Variants in TRIO observed in about 807,000 individuals in gnomAD.
TRIO encodes trio Rho guanine nucleotide exchange factor, also known as triple functional domain protein.
Under a neutral mutation model 351.9 loss-of-function variants are expected in TRIO, and 58 were observed. That is an observed-to-expected ratio of 0.16 (90% CI 0.13 to 0.21). The LOEUF is 0.21. Among genes scored for constraint, TRIO ranks in the 10% least tolerant of loss-of-function variants. The pLI is 1.00. For missense variants in TRIO, 3,201 were observed against 4,027.8 expected (o/e 0.79, Z 5.56); for synonymous variants, 1,758 against 1,595.7 (o/e 1.10, Z -2.42).
chr5:14,189,199 C>T (rs1190466410), intron 1 of TRIO, among the ~76,000 whole-genome samples: 1 of 152,220 alleles, frequency 6.6e-6, no homozygotes, highest in Non-Finnish European at 1.5e-5. Context: ...TTATCCTACA[C>T]TAAGCCTAAG....
In TRIO at chr5:14,420,186, G is replaced by A. The variant is rs536738489; in HGVS notation, c.5203+165G>A. 1.2e-4 allele frequency: 131 copies of A among 1,054,848 alleles called. No individual in the cohort carries two copies. The African/African-American group carries it at 2.0e-3, about 16-fold the overall frequency. 65.3% of individuals were successfully genotyped at this position (1,054,848 alleles called of 1,614,324 possible). A position where few individuals can be genotyped will look rare whatever the true frequency, so the allele number is the denominator to read the frequency against. ...GGGCATTTCCAGTCCATCAGCACCT[G>A]AAGAGGAAATGAGGATTTCACCCAC... On this transcript the variant is annotated intron_variant, in intron 34 of 56. Transcript: ENST00000344204.
At position 14,464,910 on chromosome 5, in the gene TRIO, G is replaced by A. The variant is rs148776469; in HGVS notation, c.5668-635G>A. ...TTCCTGTCAACCCCTTTACGCCCTC[G>A]ATTCTAGCCATAAGTGGCATCTGAT... On this transcript the variant is annotated intron_variant, in intron 36 of 56. Transcript: ENST00000344204. 2.4e-3 allele frequency among the ~76,000 whole-genome samples: 359 copies of A among 151,978 alleles called. 1 individual carries two copies. The highest frequency in any genetic ancestry group is 8.3e-3 in the African/African-American group (342 of 41,414).
At chr5:14,340,690 C>T (rs1211950053) in intron 11 of TRIO, among the ~76,000 whole-genome samples, 2 of 152,166 alleles carry the variant, frequency 1.3e-5, no homozygotes, top group African/African-American at 4.8e-5. Context: ...TCAGGAATCT[C>T]TTTAAGAAAC....
At chr5:14,498,040 G>A in intron 51 of TRIO, 49 bp from the exon 52 acceptor site, 1 of 1,612,902 alleles carries the variant, frequency 6.2e-7, no homozygotes, top group Non-Finnish European at 8.5e-7. Flanking sequence ...GGTGGGTGTG[G>A]AGGAGGAGCC....
Position 14,363,712 on chromosome 5 carries a change from TCTTAAATAC to T in TRIO, c.2392-16_2392-8del. 6.2e-7 allele frequency: 1 copy of T among 1,606,632 alleles called. No individual in the cohort carries two copies. Among genetic ancestry groups the T allele is most frequent in the Non-Finnish European group, 8.5e-7 (1 of 1,174,690 alleles). ...TGCATGTATATTTTTTTTGTCTTGA[TCTTAAATAC>T]CTTCTTTCAGATTATCTCAGACCTC... is the stretch of plus-strand genomic sequence containing the variant. On this transcript the variant is annotated splice_polypyrimidine_tract_variant and intron_variant, in intron 13 of 56. Transcript: ENST00000344204.
intron 34 of TRIO, among the ~76,000 whole-genome samples, chr5:14,440,637 T>G (rs1257889324): frequency 6.6e-6 from 1 of 152,246 alleles, no homozygotes; most frequent in Admixed American, 6.5e-5. Flanking sequence ...ATGTTTTTAA[T>G]AAGTGAGGAG....
At chr5:14,490,734 A>G (rs1756421910) in intron 48 of TRIO, 1 of 452,730 alleles carries the variant, frequency 2.2e-6, no homozygotes, top group African/African-American at 2.0e-5. Context: ...TGCCCAGAAA[A>G]TACTAATAGT....
At chr5:14,292,865 A>G in intron 5 of TRIO, 147 bp from the exon 6 acceptor site, 1 of 1,136,364 alleles carries the variant, frequency 8.8e-7, no homozygotes, top group Middle Eastern at 2.1e-4. Context: ...TGTTCTTCGA[A>G]GTAAAGACTC....
intron 7 of TRIO, among the ~76,000 whole-genome samples, chr5:14,298,235 A>G (rs1279781116): frequency 1.3e-5 from 2 of 152,172 alleles, no homozygotes; most frequent in African/African-American, 2.4e-5. Flanking sequence ...AACACTCCCC[A>G]TACCTCCATT....
At chr5:14,228,946 TAAAC>T (rs1034121117) in intron 1 of TRIO, among the ~76,000 whole-genome samples, 2 of 152,172 alleles carry the variant, frequency 1.3e-5, no homozygotes, top group Non-Finnish European at 2.9e-5. Context: ...CAGGCTGTGA[TAAAC>T]AAAATTAGGC....
At position 14,462,941 on chromosome 5, in the gene TRIO, G is replaced by A; in HGVS notation, c.5667+16G>A. ...GGATGACAAGGTAAAGGGGGATGAG[G>A]GCTGGGGAATCCATGCCTGCCGTGC... On this transcript the variant is annotated intron_variant, in intron 36 of 56. Coordinates refer to ENST00000344204, the MANE Select transcript of TRIO (RefSeq NM_007118.4). The A allele has an allele frequency of 6.4e-7, 1 of 1,552,824 alleles. No homozygotes were observed. The highest frequency in any genetic ancestry group is 8.7e-7 in the Non-Finnish European group (1 of 1,152,016).
At chr5:14,389,776 TGAA>T (rs1172582854) in intron 25 of TRIO, among the ~76,000 whole-genome samples, 1 of 152,156 alleles carries the variant, frequency 6.6e-6, no homozygotes, top group East Asian at 1.9e-4. Context: ...AGAAAGGAAC[TGAA>T]GAAGCAACAG....
At chr5:14,255,293 G>A (rs940963821) in intron 1 of TRIO, among the ~76,000 whole-genome samples, 4 of 152,316 alleles carry the variant, frequency 2.6e-5, no homozygotes, top group South Asian at 2.1e-4. Flanking sequence ...ATATCTCTAG[G>A]CGTAGAGATC....
intron 19 of TRIO, among the ~76,000 whole-genome samples, chr5:14,376,829 T>C (rs1257094405): frequency 6.6e-6 from 1 of 152,180 alleles, no homozygotes; most frequent in Non-Finnish European, 1.5e-5. Context: ...TCATACTCAG[T>C]TTTTCTCCCT....
chr5:14,280,872 C>A (rs60615600), intron 3 of TRIO, among the ~76,000 whole-genome samples: 5,621 of 152,200 alleles, frequency 0.037, 355 homozygotes, highest in African/African-American at 0.13. Flanking sequence ...ATTAAAAATC[C>A]TTATTAGCTA....
intron 19 of TRIO, among the ~76,000 whole-genome samples, chr5:14,374,911 T>C (rs922059801): frequency 3.3e-5 from 5 of 152,014 alleles, no homozygotes; most frequent in Non-Finnish European, 5.9e-5. Flanking sequence ...TGTAATAGGA[T>C]TGATGTGGAA....
At chr5:14,231,844 AT>A (rs200567229) in intron 1 of TRIO, among the ~76,000 whole-genome samples, 7,471 of 144,922 alleles carry the variant, frequency 0.052, 415 homozygotes, top group African/African-American at 0.15. Flanking sequence ...CCAGTGACTG[AT>A]TTTTTTTTTT....
At chr5:14,301,656 T>G (rs1404420088) in intron 7 of TRIO, among the ~76,000 whole-genome samples, 2 of 152,196 alleles carry the variant, frequency 1.3e-5, no homozygotes, top group African/African-American at 4.8e-5. Context: ...TAGAAGCTTT[T>G]CTAAGAGGTT....
At chr5:14,205,170 A>G (rs1791380228) in intron 1 of TRIO, among the ~76,000 whole-genome samples, 1 of 152,252 alleles carries the variant, frequency 6.6e-6, no homozygotes, top group Non-Finnish European at 1.5e-5. Context: ...ATCGTTGTGT[A>G]ACTGCAGCTG....
Sources: gnomAD v4.1 joint callset for allele counts (sites outside exome capture counted in the v4.1 genomes callset) on GRCh38, gnomAD v4.1.1 for gene constraint, MANE v1.5 for transcripts, NCBI Gene and HGNC (gene_info 2026-07-23, HGNC 2026-07-21) for gene names.